The following APPBP2 variants were observed in gnomAD, a reference collection of about 807,000 sequenced individuals.
APPBP2 encodes the protein amyloid beta precursor protein binding protein 2.
APPBP2 carries 15 observed loss-of-function variants against 76.0 expected under a neutral mutation model. That is an observed-to-expected ratio of 0.20 (90% CI 0.13 to 0.30). The LOEUF (loss-of-function observed/expected upper bound fraction) is 0.30, where lower values mean the gene tolerates loss of function less well. APPBP2 is among the 10% of genes least tolerant of loss of function. The pLI is 1.00. For synonymous variants in APPBP2, 222 were observed against 242.2 expected (o/e 0.92, Z 0.77); for missense variants, 401 against 687.2 (o/e 0.58, Z 4.66).
intron 1 of APPBP2, among the ~76,000 whole-genome samples, chr17:60,515,356 TCCAC>T (rs2090954396): frequency 6.6e-6 from 1 of 152,096 alleles, no homozygotes; most frequent in Admixed American, 6.6e-5. Context: ...ACTCAGGCGA[TCCAC>T]CCACCCTGGC....
intron 3 of APPBP2, among the ~76,000 whole-genome samples, chr17:60,481,662 T>TA (rs2090630416): frequency 6.6e-6 from 1 of 152,116 alleles, no homozygotes; most frequent in Non-Finnish European, 1.5e-5. Flanking sequence ...TCAAGGAAAA[T>TA]ACTACAATAG....
chr17:60,464,589 A>G (rs991074274), intron 5 of APPBP2, among the ~76,000 whole-genome samples: 2 of 152,208 alleles, frequency 1.3e-5, no homozygotes, highest in Non-Finnish European at 2.9e-5. Flanking sequence ...GCATTAACAC[A>G]TTTACCTGAC....
intron 3 of APPBP2, among the ~76,000 whole-genome samples, chr17:60,491,968 G>A (rs139483014): frequency 0.015 from 2,290 of 152,270 alleles, 49 homozygotes; most frequent in African/African-American, 0.051. Context: ...CACAGGCCCA[G>A]AGGCCTAGGA....
intron 12 of APPBP2, among the ~76,000 whole-genome samples, chr17:60,450,437 C>CAA (rs374410554): frequency 0.083 from 9,517 of 114,632 alleles, 1,251 homozygotes; most frequent in African/African-American, 0.29. Context: ...GACTCCCTCT[C>CAA]AAAAAAAAAA....
intron 1 of APPBP2, among the ~76,000 whole-genome samples, chr17:60,519,723 A>T (rs947042811): frequency 1.3e-5 from 2 of 152,026 alleles, no homozygotes; most frequent in African/African-American, 4.8e-5. Context: ...CCCACTGCAA[A>T]ATATTGACCC....
chr17:60,508,941 T>C (rs1161407548), intron 1 of APPBP2, among the ~76,000 whole-genome samples: 1 of 152,150 alleles, frequency 6.6e-6, no homozygotes, highest in African/African-American at 2.4e-5. Context: ...GACAAACGAA[T>C]GTGTTTCTTA....
intron 1 of APPBP2, among the ~76,000 whole-genome samples, chr17:60,519,650 G>A (rs1366100703): frequency 6.6e-6 from 1 of 151,854 alleles, no homozygotes; most frequent in Non-Finnish European, 1.5e-5. Context: ...GAGACAGAAG[G>A]AGGACTTGTC....
intron 3 of APPBP2, among the ~76,000 whole-genome samples, chr17:60,492,391 G>C (rs551132881): frequency 6.6e-6 from 1 of 152,324 alleles, no homozygotes; most frequent in South Asian, 2.1e-4. Context: ...CCAGACCACA[G>C]AATGGCAGAT....
intron 1 of APPBP2, among the ~76,000 whole-genome samples, chr17:60,521,066 G>A (rs939628375): frequency 1.2e-4 from 19 of 152,246 alleles, no homozygotes; most frequent in Non-Finnish European, 2.6e-4. Context: ...GAGTAGCTAG[G>A]ATGGGACTAC....
chr17:60,499,830 T>A (rs1265672978), intron 2 of APPBP2, among the ~76,000 whole-genome samples: 1 of 152,120 alleles, frequency 6.6e-6, no homozygotes, highest in Non-Finnish European at 1.5e-5. Context: ...ATAAACATTA[T>A]AAGGATTCCA....
At chr17:60,515,013 A>C (rs1268301646) in intron 1 of APPBP2, among the ~76,000 whole-genome samples, 1 of 150,982 alleles carries the variant, frequency 6.6e-6, no homozygotes, top group Non-Finnish European at 1.5e-5. Context: ...TATGTTGTCC[A>C]GGCTGGTGTT....
intron 1 of APPBP2, among the ~76,000 whole-genome samples, chr17:60,503,815 C>A (rs1402292283): frequency 7.5e-6 from 1 of 133,308 alleles, no homozygotes; most frequent in Non-Finnish European, 1.5e-5. Context: ...TATCCTTTTA[C>A]AGATGAGGAA....
At chr17:60,472,386 T>C (rs1451979520) in intron 4 of APPBP2, among the ~76,000 whole-genome samples, 2 of 152,224 alleles carry the variant, frequency 1.3e-5, no homozygotes, top group African/African-American at 4.8e-5. Context: ...GGCATTTAGG[T>C]AAATTGTCCA....
At chr17:60,469,716 A>G (rs1274708331) in intron 4 of APPBP2, among the ~76,000 whole-genome samples, 1 of 152,198 alleles carries the variant, frequency 6.6e-6, no homozygotes, top group Non-Finnish European at 1.5e-5. Context: ...GCATGTACCA[A>G]AACTGGCTGA....
chr17:60,511,885 T>C (rs927541885), intron 1 of APPBP2, among the ~76,000 whole-genome samples: 1 of 152,052 alleles, frequency 6.6e-6, no homozygotes. Context: ...TAAAGATATA[T>C]TTTTTCCCAC....
chr17:60,505,676 G>GTTTTTTTTTTTTTT lies in APPBP2; in HGVS notation c.139-5203_139-5190dup. ...TCCTAAAAGCCACCTGACCCCTGCG[G>GTTTTTTTTTTTTTT]TTTTTTTTTTTTTTTTTTTTTTTTT... On this transcript the variant is annotated intron_variant, in intron 1 of 12. Coordinates refer to ENST00000083182, the MANE Select transcript of APPBP2 (RefSeq NM_006380.5). Among the ~76,000 whole-genome samples the GTTTTTTTTTTTTTT allele has an allele frequency of 1.9e-4, 16 of 85,710 alleles. 3 individuals carry two copies. Among genetic ancestry groups the GTTTTTTTTTTTTTT allele is most frequent in the African/African-American group, 1.2e-3 (16 of 12,998 alleles). The allele number at this position is 85,710 out of a possible 152,430, so 56.2% of individuals were successfully genotyped here. A position where few individuals can be genotyped will look rare whatever the true frequency, so the allele number is the denominator to read the frequency against.
In APPBP2 at chr17:60,525,878, G is replaced by C. The variant is rs138111306; in HGVS notation, c.54C>G (p.Ile18Met). 2 of 1,614,158 alleles carry C rather than the reference G, an allele frequency of 1.2e-6. No individual in the cohort carries two copies. The highest frequency in any genetic ancestry group is 1.7e-6 in the Non-Finnish European group (2 of 1,180,020). Residue 18 changes from isoleucine (I) to methionine (M), a missense_variant, in exon 1 of 13, where the codon ATC becomes ATG. Coordinates refer to ENST00000083182, the MANE Select transcript of APPBP2 (RefSeq NM_006380.5). ...GGATGTAGTTGTCCACGACAGCGGA[G>C]ATGGCGGTGTTATAGAGAGTCTCTG... ...WIPETLYNTA[I>M]SAVVDNYIRS...
intron 9 of APPBP2, among the ~76,000 whole-genome samples, chr17:60,459,275 G>A (rs998858731): frequency 6.6e-6 from 1 of 152,112 alleles, no homozygotes; most frequent in Non-Finnish European, 1.5e-5. Flanking sequence ...AGGCATCCCA[G>A]GAGAACCAGC....
chr17:60,514,443 C>CA (rs1319433388), intron 1 of APPBP2, among the ~76,000 whole-genome samples: 2 of 151,966 alleles, frequency 1.3e-5, no homozygotes, highest in Non-Finnish European at 2.9e-5. Context: ...CCGTTTCTAT[C>CA]AAAAAAACAA....
Sources: allele counts gnomAD v4.1 joint callset (sites outside exome capture counted in the v4.1 genomes callset), GRCh38; gene constraint gnomAD v4.1.1; transcripts MANE v1.5; gene names NCBI Gene and HGNC (gene_info 2026-07-23, HGNC 2026-07-21).